The following ZFPM2 variants were observed in gnomAD, a reference collection of about 807,000 sequenced individuals.
The protein encoded by ZFPM2 is zinc finger protein ZFPM2.
Under a neutral mutation model 98.6 loss-of-function variants are expected in ZFPM2, and 20 were observed. The observed-to-expected ratio is 0.20, with a 90% CI of 0.14 to 0.29. ZFPM2 has a LOEUF of 0.29. Among genes scored for constraint, ZFPM2 ranks in the 10% least tolerant of loss-of-function variants. The pLI is 1.00. For synonymous variants in ZFPM2, 518 were observed against 502.7 expected (o/e 1.03, Z -0.41); for missense variants, 1,310 against 1,388.6 (o/e 0.94, Z 0.90).
At chr8:105,698,282 G>A (rs558704204) in intron 5 of ZFPM2, among the ~76,000 whole-genome samples, 5 of 152,136 alleles carry the variant, frequency 3.3e-5, no homozygotes, top group Non-Finnish European at 5.9e-5. Flanking sequence ...CTTGCAAAGC[G>A]GAAGAGACAC....
intron 5 of ZFPM2, among the ~76,000 whole-genome samples, chr8:105,671,807 C>T (rs901945322): frequency 2.6e-5 from 4 of 152,086 alleles, no homozygotes; most frequent in African/African-American, 9.7e-5. Flanking sequence ...AGTGCTATAG[C>T]AGTGGTCACT....
rs567971496 is a variant in ZFPM2 at position 105,389,167 on chromosome 8, A to G, written c.41-29977A>G. On this transcript the variant is annotated intron_variant, in intron 1 of 7. Transcript: ENST00000407775. ...CAATGAGGGAAGAGCAAAGGATTGT[A>G]GGAGAAGGCCTAAGGCGACCATAGG... Among the ~76,000 whole-genome samples, 6 of 152,108 alleles carry G rather than the reference A, an allele frequency of 3.9e-5. No individual in the cohort carries two copies. The East Asian group carries it at 1.2e-3, about 30-fold the overall frequency.
intron 1 of ZFPM2, among the ~76,000 whole-genome samples, chr8:105,321,133 G>T (rs1349648017): frequency 6.6e-6 from 1 of 152,040 alleles, no homozygotes; most frequent in Non-Finnish European, 1.5e-5. Context: ...TTTTTAGGGG[G>T]TGGGGGAGAT....
intron 5 of ZFPM2, among the ~76,000 whole-genome samples, chr8:105,781,217 G>A (rs1169866236): frequency 2.0e-5 from 3 of 152,148 alleles, no homozygotes; most frequent in African/African-American, 7.2e-5. Context: ...AGTCAAGATC[G>A]CCAGTCAGTG....
intron 3 of ZFPM2, among the ~76,000 whole-genome samples, chr8:105,529,712 A>G (rs1458929170): frequency 2.0e-5 from 3 of 151,976 alleles, no homozygotes; most frequent in Non-Finnish European, 4.4e-5. Flanking sequence ...TTATGCAGAA[A>G]ACATGCCACT....
chr8:105,468,126 G>C (rs1042903108), intron 3 of ZFPM2, among the ~76,000 whole-genome samples: 2 of 150,792 alleles, frequency 1.3e-5, no homozygotes, highest in African/African-American at 4.9e-5. Flanking sequence ...TTACTTCTTC[G>C]GTGTCCAGGC....
chr8:105,478,200 T>G (rs1360817350), intron 3 of ZFPM2, among the ~76,000 whole-genome samples: 1 of 152,220 alleles, frequency 6.6e-6, no homozygotes, highest in Non-Finnish European at 1.5e-5. Flanking sequence ...CCAGCCCCGA[T>G]ACTTTCTGAA....
At chr8:105,521,132 TACACACACACAC>T (rs10532108) in intron 3 of ZFPM2, among the ~76,000 whole-genome samples, 2 of 148,518 alleles carry the variant, frequency 1.3e-5, no homozygotes, top group African/African-American at 5.0e-5. Flanking sequence ...TATATATATA[TACACACACACAC>T]ACACACACAA....
chr8:105,704,454 G>A (rs1253191160), intron 5 of ZFPM2, among the ~76,000 whole-genome samples: 1 of 152,108 alleles, frequency 6.6e-6, no homozygotes, highest in Non-Finnish European at 1.5e-5. Flanking sequence ...GTGCTTGAAA[G>A]ATGCAGAATT....
chr8:105,393,855 T>G (rs1177325365), intron 1 of ZFPM2, among the ~76,000 whole-genome samples: 1 of 152,128 alleles, frequency 6.6e-6, no homozygotes, highest in Non-Finnish European at 1.5e-5. Flanking sequence ...GTTACCAATT[T>G]GACTATTGAA....
chr8:105,693,982 T>TC (rs1810954119), intron 5 of ZFPM2, among the ~76,000 whole-genome samples: 1 of 73,026 alleles, frequency 1.4e-5, no homozygotes, highest in Admixed American at 1.4e-4. Flanking sequence ...TTTCTTTTCT[T>TC]TTTTTTTTTT....
chr8:105,503,588 A>T (rs1017686792), intron 3 of ZFPM2, among the ~76,000 whole-genome samples: 1 of 152,216 alleles, frequency 6.6e-6, no homozygotes, highest in Non-Finnish European at 1.5e-5. Flanking sequence ...TCAGTGAGCC[A>T]CACTTGATAT....
At chr8:105,408,086 TA>T (rs111837572) in intron 1 of ZFPM2, among the ~76,000 whole-genome samples, 1,960 of 151,966 alleles carry the variant, frequency 0.013, 44 homozygotes, top group African/African-American at 0.045. Context: ...AGGCAGGGGA[TA>T]TTTTCTTTTT....
At chr8:105,414,834 A>G (rs1340394572) in intron 1 of ZFPM2, 1 of 152,078 alleles carries the variant, frequency 6.6e-6, no homozygotes, top group African/African-American at 2.4e-5. Context: ...GGGTTAGACT[A>G]TTTAATCTTT....
At chr8:105,778,328 G>A (rs1376031137) in intron 5 of ZFPM2, among the ~76,000 whole-genome samples, 1 of 151,916 alleles carries the variant, frequency 6.6e-6, no homozygotes, top group Non-Finnish European at 1.5e-5. Context: ...TCTCAGTTAT[G>A]AAAAAAACAG....
intron 5 of ZFPM2, among the ~76,000 whole-genome samples, chr8:105,781,653 G>T (rs1419114321): frequency 1.3e-5 from 2 of 152,130 alleles, no homozygotes; most frequent in African/African-American, 4.8e-5. Flanking sequence ...GGGAGACAGA[G>T]GTTGCAGTGA....
chr8:105,714,630 A>G (rs1811475844), intron 5 of ZFPM2, among the ~76,000 whole-genome samples: 1 of 152,082 alleles, frequency 6.6e-6, no homozygotes, highest in South Asian at 2.1e-4. Context: ...CTTATTTATA[A>G]CTATTTTATC....
chr8:105,438,108 T>C (rs980811127), intron 2 of ZFPM2, among the ~76,000 whole-genome samples: 60 of 152,164 alleles, frequency 3.9e-4, no homozygotes, highest in African/African-American at 1.3e-3. Context: ...CCTCAGGATA[T>C]TAAACATACA....
chr8:105,350,962 C>G lies in ZFPM2; in HGVS notation c.40+31981C>G, dbSNP rs539715992. Among the ~76,000 whole-genome samples the G allele has an allele frequency of 4.0e-5, 6 of 151,886 alleles. No individual in the cohort carries two copies. The East Asian group carries it at 1.2e-3, about 30-fold the overall frequency. ...ACTTGGGAGGCTGAGGTGGGTGGAT[C>G]ACTTGAGATCAGGAGTTCGAGACCA... On this transcript the variant is annotated intron_variant, in intron 1 of 7. Coordinates refer to ENST00000407775, the MANE Select transcript of ZFPM2 (RefSeq NM_012082.4).
Sources: gnomAD v4.1 joint callset for allele counts (sites outside exome capture counted in the v4.1 genomes callset) on GRCh38, gnomAD v4.1.1 for gene constraint, MANE v1.5 for transcripts, NCBI Gene and HGNC (gene_info 2026-07-23, HGNC 2026-07-21) for gene names.